CHL1: variants seen among roughly 807,000 people sequenced by gnomAD.
CHL1 encodes cell adhesion molecule L1 like, also known as neural cell adhesion molecule L1-like protein.
In CHL1, 96 loss-of-function variants were observed where a neutral mutation model predicts 141.9. The observed-to-expected ratio is 0.68, with a 90% CI of 0.57 to 0.80. The LOEUF is 0.80. CHL1 is among the 30% of genes least tolerant of loss of function. The pLI, the probability that CHL1 is intolerant of heterozygous loss-of-function variation, is 0.00. For missense variants in CHL1, 1,820 were observed against 1,457.2 expected, an observed-to-expected ratio of 1.25 and a Z score of -4.05; for synonymous variants, 613 against 502.2, an observed-to-expected ratio of 1.22 and a Z score of -2.95.
chr3:335,388 G>A (rs927176377), intron 5 of CHL1, among the ~76,000 whole-genome samples: 4 of 152,188 alleles, frequency 2.6e-5, no homozygotes, highest in African/African-American at 7.2e-5. Flanking sequence ...TGGACTGAAA[G>A]CCAGTGTTAT....
intron 10 of CHL1, 56 bp from the exon 11 acceptor site, chr3:354,584 T>C (rs952756685): frequency 5.8e-6 from 9 of 1,557,962 alleles, no homozygotes; most frequent in Non-Finnish European, 7.8e-6. Flanking sequence ...GCCTTAACAT[T>C]TTTGGACTTT....
intron 2 of CHL1, among the ~76,000 whole-genome samples, chr3:278,280 C>T (rs536256037): frequency 4.6e-5 from 7 of 152,306 alleles, no homozygotes; most frequent in Middle Eastern, 3.4e-3. Context: ...TCTTTGGGGT[C>T]GGTTTTCCTT....
intron 1 of CHL1, among the ~76,000 whole-genome samples, chr3:199,730 T>A (rs925976667): frequency 7.2e-5 from 11 of 152,270 alleles, no homozygotes; most frequent in African/African-American, 2.6e-4. Flanking sequence ...CAGAAAAACA[T>A]TTGCTAGATA....
intron 16 of CHL1, among the ~76,000 whole-genome samples, chr3:379,997 C>T (rs192910141): frequency 5.6e-4 from 86 of 152,216 alleles, no homozygotes; most frequent in African/African-American, 2.0e-3. Context: ...CATAAACATG[C>T]TTTCAGGATA....
intron 2 of CHL1, among the ~76,000 whole-genome samples, chr3:283,062 A>T (rs1182619590): frequency 6.6e-6 from 1 of 152,200 alleles, no homozygotes; most frequent in Non-Finnish European, 1.5e-5. Flanking sequence ...CACATGCAGA[A>T]CCATTCCATT....
At chr3:245,335 T>G (rs1307147068) in intron 2 of CHL1, among the ~76,000 whole-genome samples, 1 of 152,160 alleles carries the variant, frequency 6.6e-6, no homozygotes, top group African/African-American at 2.4e-5. Flanking sequence ...TGTTTAGCTA[T>G]TTTGATGACC....
intron 1 of CHL1, among the ~76,000 whole-genome samples, chr3:239,452 T>C (rs192752367): frequency 1.7e-4 from 26 of 152,162 alleles, no homozygotes; most frequent in African/African-American, 6.0e-4. Context: ...GACACTGTGG[T>C]GGTAATGTGC....
At chr3:350,889 G>C (rs1490440408) in intron 10 of CHL1, among the ~76,000 whole-genome samples, 2 of 152,298 alleles carry the variant, frequency 1.3e-5, no homozygotes, top group East Asian at 1.9e-4. Flanking sequence ...CAAGGAAGAA[G>C]AGTTTGAAAG....
chr3:391,165 A>G lies in CHL1; in HGVS notation c.2791+6A>G. On this transcript the variant is annotated splice_donor_region_variant and intron_variant, in intron 22 of 27. Coordinates refer to ENST00000256509, the MANE Select transcript of CHL1 (RefSeq NM_006614.4). Reference sequence around the variant, plus strand: ...ATTTCAAACACCAGAAGGAGGTGAGAGGATAATGATGTAGAGTCATGTCAA... The same window carrying G: ...ATTTCAAACACCAGAAGGAGGTGAGGGGATAATGATGTAGAGTCATGTCAA... 6.3e-7 allele frequency: 1 copy of G among 1,598,854 alleles called. No individual in the cohort carries two copies. Among genetic ancestry groups the G allele is most frequent in the Non-Finnish European group, 8.6e-7 (1 of 1,166,408 alleles).
chr3:356,330 A>T (rs1703714718), intron 11 of CHL1, among the ~76,000 whole-genome samples: 1 of 152,246 alleles, frequency 6.6e-6, no homozygotes, highest in Non-Finnish European at 1.5e-5. Context: ...AAAGACATTC[A>T]CAAATTACTT....
At chr3:255,477 G>T (rs1379151741) in intron 2 of CHL1, among the ~76,000 whole-genome samples, 1 of 134,412 alleles carries the variant, frequency 7.4e-6, no homozygotes, top group African/African-American at 2.7e-5. Context: ...ACACACTGTT[G>T]ACAGCCTTTT....
chr3:345,441 C>CATAT (rs1553579219), intron 9 of CHL1, among the ~76,000 whole-genome samples: 1 of 115,162 alleles, frequency 8.7e-6, no homozygotes, highest in Non-Finnish European at 1.9e-5. Context: ...AAAAGCAATC[C>CATAT]ATTTATTTAT....
chr3:320,664 C>T (rs762397147), intron 3 of CHL1, among the ~76,000 whole-genome samples: 12 of 151,706 alleles, frequency 7.9e-5, no homozygotes, highest in African/African-American at 1.5e-4. Context: ...AGACATTGCA[C>T]GCCAACCTGG....
chr3:271,634 A>C (rs375257285), intron 2 of CHL1, among the ~76,000 whole-genome samples: 6 of 152,232 alleles, frequency 3.9e-5, no homozygotes, highest in Non-Finnish European at 5.9e-5. Context: ...TTGAATGAAC[A>C]TTGGCATAAA....
chr3:325,894 C>T lies in CHL1; in HGVS notation c.92-65C>T, dbSNP rs780435680. ...ATACAAAAGAGGTTTAAAGTGTTTTCGCTATAGATTAACCTTGCCTGCTGT... is the reference window on the plus strand; with the variant it reads ...ATACAAAAGAGGTTTAAAGTGTTTTTGCTATAGATTAACCTTGCCTGCTGT... On this transcript the variant is annotated intron_variant, in intron 3 of 27. Transcript: ENST00000256509. 6.5e-5 allele frequency: 69 copies of T among 1,059,256 alleles called. 1 individual carries two copies. The highest frequency in any genetic ancestry group is 3.5e-4 in the South Asian group (25 of 70,838). 65.6% of individuals were successfully genotyped at this position (1,059,256 alleles called of 1,614,324 possible).
At chr3:331,772 G>A (rs1701459950) in intron 5 of CHL1, among the ~76,000 whole-genome samples, 1 of 152,096 alleles carries the variant, frequency 6.6e-6, no homozygotes, top group Non-Finnish European at 1.5e-5. Flanking sequence ...TGACAAAGTG[G>A]CAACATATAT....
chr3:239,850 G>C (rs1019652820), intron 1 of CHL1, among the ~76,000 whole-genome samples: 6 of 151,950 alleles, frequency 3.9e-5, no homozygotes, highest in Non-Finnish European at 8.8e-5. Flanking sequence ...AGGATTTTTG[G>C]TTTTCCATTC....
intron 2 of CHL1, among the ~76,000 whole-genome samples, chr3:306,143 G>A (rs1215491565): frequency 6.6e-6 from 1 of 152,100 alleles, no homozygotes; most frequent in Non-Finnish European, 1.5e-5. Flanking sequence ...TAGGTCATTG[G>A]CCCGGGATTT....
At chr3:325,451 G>T (rs1051884745) in intron 3 of CHL1, among the ~76,000 whole-genome samples, 21 of 140,988 alleles carry the variant, frequency 1.5e-4, no homozygotes, top group African/African-American at 5.7e-4. Context: ...AGTTTACCTG[G>T]AAAGAAAAAA....
Sources: allele counts gnomAD v4.1 joint callset (sites outside exome capture counted in the v4.1 genomes callset), GRCh38; gene constraint gnomAD v4.1.1; transcripts MANE v1.5; gene names NCBI Gene and HGNC (gene_info 2026-07-23, HGNC 2026-07-21).